BABAM2: variants seen among roughly 807,000 people sequenced by gnomAD.
The protein encoded by BABAM2 is BRISC and BRCA1-A complex member 2.
BABAM2 carries 31 observed loss-of-function variants against 54.7 expected under a neutral mutation model. The observed-to-expected ratio is 0.57, with a 90% CI of 0.43 to 0.77. The LOEUF (loss-of-function observed/expected upper bound fraction) is 0.77, where lower values mean the gene tolerates loss of function less well. Among genes scored for constraint, BABAM2 ranks in the 30% least tolerant of loss-of-function variants. The pLI, the probability that BABAM2 is intolerant of heterozygous loss-of-function variation, is 0.00. For missense variants in BABAM2, 364 were observed against 455.8 expected (o/e 0.80, Z 1.83); for synonymous variants, 167 against 162.9 (o/e 1.03, Z -0.19).
intron 3 of BABAM2, among the ~76,000 whole-genome samples, chr2:27,947,867 G>C (rs1256254622): frequency 1.3e-5 from 2 of 152,062 alleles, no homozygotes; most frequent in Admixed American, 6.5e-5. Flanking sequence ...CTTTTAAATT[G>C]CCCTTGCACT....
chr2:28,315,912 AG>A (rs1180037412), intron 11 of BABAM2, among the ~76,000 whole-genome samples: 1 of 152,164 alleles, frequency 6.6e-6, no homozygotes, highest in Non-Finnish European at 1.5e-5. Context: ...TCAAAAACTA[AG>A]GGTCATGCTC....
chr2:27,900,771 C>T (rs1022263233), intron 2 of BABAM2, among the ~76,000 whole-genome samples: 4 of 152,054 alleles, frequency 2.6e-5, no homozygotes, highest in Non-Finnish European at 4.4e-5. Flanking sequence ...AGGCCGGGCG[C>T]GGTGGCTCAC....
At chr2:27,994,420 A>T (rs1672989532) in intron 4 of BABAM2, among the ~76,000 whole-genome samples, 1 of 152,210 alleles carries the variant, frequency 6.6e-6, no homozygotes, top group East Asian at 1.9e-4. Context: ...TAGCACCTAG[A>T]TCAAGAAATG....
Position 28,071,309 on chromosome 2 carries a change from G to A in BABAM2, c.570+25510G>A, listed in dbSNP as rs936937642. 2.3e-4 allele frequency among the ~76,000 whole-genome samples: 35 copies of A among 151,910 alleles called. 1 individual carries two copies. Among genetic ancestry groups the A allele is most frequent in the African/African-American group, 8.0e-4 (33 of 41,350 alleles). The stretch of plus-strand genomic sequence containing the variant: ...TTCTTATCGTTTTGTTATTATTGTT[G>A]TTGAAGAACTCAGGTCATTTACTTG... On this transcript the variant is annotated intron_variant, in intron 6 of 11. Transcript: ENST00000379624.
intron 7 of BABAM2, among the ~76,000 whole-genome samples, chr2:28,171,784 G>A (rs1286953251): frequency 1.7e-4 from 26 of 152,104 alleles, no homozygotes; most frequent in Admixed American, 1.7e-3. Context: ...CTAGGTATGT[G>A]TAGCACCTGG....
intron 7 of BABAM2, among the ~76,000 whole-genome samples, chr2:28,137,702 G>A (rs753338363): frequency 3.3e-5 from 5 of 152,164 alleles, no homozygotes; most frequent in Non-Finnish European, 5.9e-5. Context: ...ATATCTCAGT[G>A]TTTTTATCTA....
chr2:28,108,935 A>T (rs1375073893), intron 6 of BABAM2, among the ~76,000 whole-genome samples: 1 of 152,088 alleles, frequency 6.6e-6, no homozygotes, highest in Non-Finnish European at 1.5e-5. Context: ...CCGTTATCTC[A>T]GTTCTGGAAG....
chr2:27,965,149 T>C (rs1193688887), intron 3 of BABAM2, among the ~76,000 whole-genome samples: 2 of 152,200 alleles, frequency 1.3e-5, no homozygotes, highest in African/African-American at 4.8e-5. Flanking sequence ...ATGCCCTTTT[T>C]TCCCACTCTG....
At chr2:28,106,359 G>T (rs1044907399) in intron 6 of BABAM2, among the ~76,000 whole-genome samples, 1 of 152,132 alleles carries the variant, frequency 6.6e-6, no homozygotes, top group African/African-American at 2.4e-5. Context: ...GAGCTCAAGC[G>T]CTCCTCCCAC....
At chr2:28,282,149 A>G (rs1282847354) in intron 10 of BABAM2, among the ~76,000 whole-genome samples, 1 of 152,220 alleles carries the variant, frequency 6.6e-6, no homozygotes, top group Admixed American at 6.5e-5. Flanking sequence ...GAAGAACAGA[A>G]GTGAGCAACA....
intron 3 of BABAM2, among the ~76,000 whole-genome samples, chr2:27,968,492 A>G (rs1019917793): frequency 6.6e-6 from 1 of 152,226 alleles, no homozygotes; most frequent in African/African-American, 2.4e-5. Context: ...AGGGCAGTGC[A>G]GAAGGGAAAT....
intron 6 of BABAM2, among the ~76,000 whole-genome samples, chr2:28,078,777 G>C (rs1352318353): frequency 1.3e-5 from 2 of 152,154 alleles, no homozygotes; most frequent in Non-Finnish European, 2.9e-5. Context: ...CCAGTAGCTA[G>C]GATATGCAAG....
intron 3 of BABAM2, among the ~76,000 whole-genome samples, chr2:27,971,992 T>G (rs956154533): frequency 4.6e-5 from 7 of 152,192 alleles, no homozygotes; most frequent in African/African-American, 1.4e-4. Context: ...GCTTAAAATA[T>G]TGTTGTTTTA....
At chr2:28,109,067 A>G (rs1235265640) in intron 6 of BABAM2, among the ~76,000 whole-genome samples, 1 of 152,154 alleles carries the variant, frequency 6.6e-6, no homozygotes, top group Non-Finnish European at 1.5e-5. Flanking sequence ...TGCAATGATT[A>G]TATAAAACAG....
intron 7 of BABAM2, among the ~76,000 whole-genome samples, chr2:28,136,035 C>T (rs1405182421): frequency 2.0e-5 from 3 of 152,200 alleles, no homozygotes; most frequent in Admixed American, 6.5e-5. Flanking sequence ...TTCCGTGTTA[C>T]AGTCCTGTTC....
chr2:28,278,635 AGTG>A (rs1421246967), intron 10 of BABAM2, among the ~76,000 whole-genome samples: 3 of 152,212 alleles, frequency 2.0e-5, no homozygotes, highest in Non-Finnish European at 4.4e-5. Flanking sequence ...GTGAGACTAA[AGTG>A]GTGGCAGTAG....
At chr2:28,266,761 A>G (rs564733419) in intron 10 of BABAM2, among the ~76,000 whole-genome samples, 1 of 152,346 alleles carries the variant, frequency 6.6e-6, no homozygotes, top group East Asian at 1.9e-4. Context: ...ACTGCCTTCC[A>G]TAGTTTTGTT....
At chr2:27,931,089 G>A (rs1211551319) in intron 3 of BABAM2, among the ~76,000 whole-genome samples, 3 of 152,150 alleles carry the variant, frequency 2.0e-5, no homozygotes, top group Non-Finnish European at 1.5e-5. Flanking sequence ...TTTATCAAAT[G>A]CAAGATTAAA....
chr2:28,165,998 C>A (rs907995437), intron 7 of BABAM2, among the ~76,000 whole-genome samples: 4 of 152,132 alleles, frequency 2.6e-5, no homozygotes, highest in Non-Finnish European at 4.4e-5. Context: ...TCAGAATGGG[C>A]CCTAACCCAA....
Sources: gnomAD v4.1 joint callset for allele counts (sites outside exome capture counted in the v4.1 genomes callset) on GRCh38, gnomAD v4.1.1 for gene constraint, MANE v1.5 for transcripts, NCBI Gene and HGNC (gene_info 2026-07-23, HGNC 2026-07-21) for gene names.